The following ATRNL1 variants were observed in gnomAD, a reference collection of about 807,000 sequenced individuals.
The protein encoded by ATRNL1 is attractin like 1.
Under a neutral mutation model 182.7 loss-of-function variants are expected in ATRNL1, and 95 were observed. That is an observed-to-expected ratio of 0.52 (90% confidence interval 0.44 to 0.62). ATRNL1 has a LOEUF of 0.62. ATRNL1 is among the 20% of genes least tolerant of loss of function. The pLI, the probability that ATRNL1 is intolerant of heterozygous loss-of-function variation, is 0.00. For synonymous variants in ATRNL1, 576 were observed against 568.3 expected (o/e 1.01, Z -0.19); for missense variants, 1,471 against 1,679.5 (o/e 0.88, Z 2.17).
chr10:115,772,593 CTGTCTG>C (rs1399629573), intron 27 of ATRNL1, among the ~76,000 whole-genome samples: 153 of 125,670 alleles, frequency 1.2e-3, no homozygotes, highest in African/African-American at 4.2e-3. Flanking sequence ...AATATATACT[CTGTCTG>C]TGTGTGTGTG....
At chr10:115,167,628 T>TA (rs1193438655) in intron 7 of ATRNL1, among the ~76,000 whole-genome samples, 1 of 151,850 alleles carries the variant, frequency 6.6e-6, no homozygotes, top group African/African-American at 2.4e-5. Context: ...GTGCTGTTGT[T>TA]AAAAAAAATT....
At chr10:115,242,334 C>T (rs375779276) in intron 10 of ATRNL1, among the ~76,000 whole-genome samples, 16 of 151,896 alleles carry the variant, frequency 1.1e-4, no homozygotes, top group African/African-American at 1.9e-4. Context: ...ATTTTAGTTA[C>T]GCAATATAAT....
intron 1 of ATRNL1, chr10:115,096,738 C>G (rs1554863244): frequency 7.8e-7 from 1 of 1,284,174 alleles, no homozygotes; most frequent in African/African-American, 1.5e-5. Context: ...AATATAGTAT[C>G]AAAAGTGGTA....
At chr10:115,243,192 A>T (rs1262346145) in intron 10 of ATRNL1, among the ~76,000 whole-genome samples, 16 of 152,076 alleles carry the variant, frequency 1.1e-4, no homozygotes, top group Non-Finnish European at 2.1e-4. Flanking sequence ...GCTTCCACAC[A>T]ATGTCTGTAC....
At chr10:115,801,060 T>TC (rs1555084249) in intron 27 of ATRNL1, among the ~76,000 whole-genome samples, 4 of 152,222 alleles carry the variant, frequency 2.6e-5, no homozygotes, top group Admixed American at 1.3e-4. Flanking sequence ...GTTTTTGTCT[T>TC]CCTAGTCATT....
intron 27 of ATRNL1, among the ~76,000 whole-genome samples, chr10:115,830,156 A>C (rs1220186410): frequency 5.3e-5 from 8 of 152,250 alleles, no homozygotes; most frequent in Admixed American, 1.3e-4. Context: ...GTTTGTGGAT[A>C]TACAAGTGAA....
At chr10:115,126,676 A>G (rs548929472) in intron 3 of ATRNL1, among the ~76,000 whole-genome samples, 99 of 152,288 alleles carry the variant, frequency 6.5e-4, no homozygotes, top group Non-Finnish European at 1.1e-3. Context: ...TATTTCATTT[A>G]TGTGTCAAAT....
chr10:115,578,804 A>G (rs1275662305), intron 26 of ATRNL1, among the ~76,000 whole-genome samples: 1 of 151,202 alleles, frequency 6.6e-6, no homozygotes, highest in African/African-American at 2.4e-5. Flanking sequence ...TAGTTTCTTG[A>G]GGTGAGGTAT....
At chr10:115,855,559 T>G (rs1565438989) in intron 28 of ATRNL1, among the ~76,000 whole-genome samples, 1 of 152,208 alleles carries the variant, frequency 6.6e-6, no homozygotes, top group African/African-American at 2.4e-5. Flanking sequence ...AATATTTAAT[T>G]GATGAATAAA....
intron 18 of ATRNL1, among the ~76,000 whole-genome samples, chr10:115,327,509 A>G (rs1180412670): frequency 6.2e-4 from 92 of 148,838 alleles, no homozygotes; most frequent in Middle Eastern, 3.6e-3. Context: ...TAGTTCAACC[A>G]TTGTGGAAGT....
intron 1 of ATRNL1, among the ~76,000 whole-genome samples, chr10:115,100,666 A>C (rs1458210058): frequency 6.6e-6 from 1 of 152,056 alleles, no homozygotes; most frequent in African/African-American, 2.4e-5. Context: ...GTAAGTCTTG[A>C]ATTCTGGGAG....
At chr10:115,231,348 G>A (rs1202319131) in intron 9 of ATRNL1, among the ~76,000 whole-genome samples, 1 of 152,094 alleles carries the variant, frequency 6.6e-6, no homozygotes. Flanking sequence ...GCAAACCAGT[G>A]CTTTTTGCTG....
chr10:115,129,869 A>C (rs1845146450), intron 5 of ATRNL1, among the ~76,000 whole-genome samples: 1 of 152,184 alleles, frequency 6.6e-6, no homozygotes, highest in Non-Finnish European at 1.5e-5. Context: ...AATGTGGTGC[A>C]TTCAAATTTG....
At chr10:115,712,524 A>G (rs1947091007) in intron 26 of ATRNL1, among the ~76,000 whole-genome samples, 1 of 152,198 alleles carries the variant, frequency 6.6e-6, no homozygotes, top group Admixed American at 6.5e-5. Flanking sequence ...TGATTTTGGT[A>G]TTATGCATAC....
intron 24 of ATRNL1, among the ~76,000 whole-genome samples, chr10:115,492,958 T>G (rs1849379576): frequency 6.6e-6 from 1 of 152,100 alleles, no homozygotes; most frequent in Non-Finnish European, 1.5e-5. Flanking sequence ...AAAGTATTTT[T>G]TGATGGAAAT....
At chr10:115,317,506 G>A (rs538154884) in intron 18 of ATRNL1, among the ~76,000 whole-genome samples, 2 of 152,244 alleles carry the variant, frequency 1.3e-5, no homozygotes, top group South Asian at 4.1e-4. Flanking sequence ...TTACGATATT[G>A]ATTCTTCCTC....
chr10:115,729,793 A>G (rs1251094594), intron 27 of ATRNL1, among the ~76,000 whole-genome samples: 3 of 152,024 alleles, frequency 2.0e-5, no homozygotes, highest in Non-Finnish European at 2.9e-5. Flanking sequence ...ATATGTTAAT[A>G]CCACCTGGAA....
At chr10:115,388,335 A>C (rs1325789613) in intron 19 of ATRNL1, among the ~76,000 whole-genome samples, 1 of 152,166 alleles carries the variant, frequency 6.6e-6, no homozygotes, top group South Asian at 2.1e-4. Flanking sequence ...TGAAATATTC[A>C]TAACTGTTAT....
chr10:115,346,012 T>C (rs543418350), intron 19 of ATRNL1, among the ~76,000 whole-genome samples: 1 of 152,354 alleles, frequency 6.6e-6, no homozygotes, highest in South Asian at 2.1e-4. Flanking sequence ...TTGATGTGCT[T>C]GCTGGCCCTT....
Sources: gnomAD v4.1 joint callset for allele counts (sites outside exome capture counted in the v4.1 genomes callset) on GRCh38, gnomAD v4.1.1 for gene constraint, MANE v1.5 for transcripts, NCBI Gene and HGNC (gene_info 2026-07-23, HGNC 2026-07-21) for gene names.